KANK1: variants seen among roughly 807,000 people sequenced by gnomAD.
KANK1 encodes the protein KN motif and ankyrin repeat domain-containing protein 1.
KANK1 carries 109 observed loss-of-function variants against 106.2 expected under a neutral mutation model. The ratio of observed to expected loss-of-function variants is 1.03; its 90% confidence interval spans 0.88 to 1.20. The LOEUF (loss-of-function observed/expected upper bound fraction) is 1.20. Among genes scored for constraint, KANK1 ranks in the 50% most tolerant of loss-of-function variants. The probability of loss-of-function intolerance (pLI) is 0.00; values close to 1 mark genes in which losing one functional copy is unlikely to be tolerated. For synonymous variants in KANK1, 873 were observed against 652.2 expected, an observed-to-expected ratio of 1.34 and a Z score of -5.16; for missense variants, 2,399 against 1,710.7, an observed-to-expected ratio of 1.40 and a Z score of -7.10.
At chr9:520,975 T>G (rs1416293858) in intron 1 of KANK1, among the ~76,000 whole-genome samples, 1 of 151,822 alleles carries the variant, frequency 6.6e-6, no homozygotes, top group East Asian at 1.9e-4. Flanking sequence ...CAGTGGATGC[T>G]ACTGTCAAGA....
At chr9:565,421 C>T (rs1817567230) in intron 1 of KANK1, among the ~76,000 whole-genome samples, 1 of 152,200 alleles carries the variant, frequency 6.6e-6, no homozygotes, top group South Asian at 2.1e-4. Context: ...AAGGGTCTTC[C>T]AGTTCACTGA....
intron 1 of KANK1, among the ~76,000 whole-genome samples, chr9:606,194 A>G (rs1313645324): frequency 6.6e-6 from 1 of 151,140 alleles, no homozygotes; most frequent in African/African-American, 2.5e-5. Flanking sequence ...ACTCACACAT[A>G]TATACGTACA....
chr9:651,010 A>G (rs1192040086), intron 1 of KANK1, among the ~76,000 whole-genome samples: 1 of 152,172 alleles, frequency 6.6e-6, no homozygotes, highest in East Asian at 1.9e-4. Context: ...ATAAAGCAAC[A>G]GGGCCACCAC....
At chr9:664,010 C>A (rs935398869) in intron 1 of KANK1, among the ~76,000 whole-genome samples, 1 of 151,964 alleles carries the variant, frequency 6.6e-6, no homozygotes, top group Non-Finnish European at 1.5e-5. Flanking sequence ...AATTGTAGTT[C>A]CCATAATCTC....
intron 1 of KANK1, among the ~76,000 whole-genome samples, chr9:568,076 T>C (rs1185288958): frequency 6.6e-6 from 1 of 152,132 alleles, no homozygotes. Context: ...CAAGAGTTAA[T>C]TTGACTAAAT....
At chr9:569,231 C>T (rs1249790609) in intron 1 of KANK1, among the ~76,000 whole-genome samples, 1 of 152,140 alleles carries the variant, frequency 6.6e-6, no homozygotes. Flanking sequence ...ATATGTTCGT[C>T]TCCTATTTAT....
At chr9:687,323 C>T (rs1818808384) in intron 2 of KANK1, among the ~76,000 whole-genome samples, 1 of 152,222 alleles carries the variant, frequency 6.6e-6, no homozygotes. Flanking sequence ...GATCATTGAG[C>T]TTTGTATTTT....
rs1174619757 is a variant in KANK1, at chr9:622,568, C to T, written c.-83-54322C>T. Among the ~76,000 whole-genome samples the T allele has an allele frequency of 2.0e-5, 3 of 152,270 alleles. No individual in the cohort carries two copies. The East Asian group carries it at 5.8e-4, about 29-fold the overall frequency. On this transcript the variant is annotated intron_variant, in intron 1 of 11. Transcript: ENST00000382297. ...ACCTGCCAAAAAATAAAATTGGACCCTTAACACCATATACAAAAATCAACT... is the reference window on the plus strand; with the variant it reads ...ACCTGCCAAAAAATAAAATTGGACCTTTAACACCATATACAAAAATCAACT...
intron 1 of KANK1, among the ~76,000 whole-genome samples, chr9:559,401 T>TAAA (rs3832615): frequency 1.7e-4 from 25 of 148,928 alleles, no homozygotes; most frequent in South Asian, 4.2e-4. Flanking sequence ...TTGGAGAGGT[T>TAAA]AAAAAAAAAA....
chr9:704,311 G>C (rs1412093976), intron 2 of KANK1, among the ~76,000 whole-genome samples: 2 of 152,154 alleles, frequency 1.3e-5, no homozygotes, highest in African/African-American at 2.4e-5. Flanking sequence ...AGTCCTTTGA[G>C]GCCCAAGTTC....
chr9:641,233 A>G (rs1367373078), intron 1 of KANK1, among the ~76,000 whole-genome samples: 1 of 152,242 alleles, frequency 6.6e-6, no homozygotes, highest in Non-Finnish European at 1.5e-5. Flanking sequence ...TAATGCAATC[A>G]GATATGAACA....
intron 1 of KANK1, among the ~76,000 whole-genome samples, chr9:674,939 A>C (rs1461467304): frequency 6.6e-6 from 1 of 152,182 alleles, no homozygotes; most frequent in African/African-American, 2.4e-5. Context: ...TCCTGACCTC[A>C]GGTGATCTGC....
At chr9:528,025 C>T (rs1187871398) in intron 1 of KANK1, among the ~76,000 whole-genome samples, 4 of 151,284 alleles carry the variant, frequency 2.6e-5, no homozygotes, top group Admixed American at 6.6e-5. Context: ...CCCAGCTACT[C>T]GGGAGGCTGA....
intron 2 of KANK1, among the ~76,000 whole-genome samples, chr9:692,151 C>T (rs1047751613): frequency 2.0e-5 from 3 of 152,176 alleles, no homozygotes. Flanking sequence ...TTCACTGGAC[C>T]TGCCTAGTTT....
intron 3 of KANK1, among the ~76,000 whole-genome samples, chr9:490,673 G>A (rs1259009513): frequency 1.3e-5 from 2 of 152,146 alleles, no homozygotes; most frequent in Non-Finnish European, 2.9e-5. Context: ...AGTTTCAACT[G>A]AGCAACTCTG....
intron 1 of KANK1, among the ~76,000 whole-genome samples, chr9:569,673 C>G (rs1339862884): frequency 2.0e-5 from 3 of 152,198 alleles, no homozygotes; most frequent in Admixed American, 2.0e-4. Context: ...TACGTATATT[C>G]TAATTGTGTT....
Position 527,288 on chromosome 9 carries a change from G to A in KANK1, c.-84+22534G>A, listed in dbSNP as rs576342818. On this transcript the variant is annotated intron_variant, in intron 1 of 11. Coordinates refer to ENST00000382297, the MANE Select transcript of KANK1 (RefSeq NM_015158.5). Reference sequence around the variant, plus strand: ...GTTTCTTTTGGTCTCTGGTTTTTGTGTGTTTTTTGTTTGTTTGTTTGTTTG... The same window carrying A: ...GTTTCTTTTGGTCTCTGGTTTTTGTATGTTTTTTGTTTGTTTGTTTGTTTG... Among the ~76,000 whole-genome samples the A allele has an allele frequency of 2.3e-4, 33 of 144,874 alleles. No individual in the cohort carries two copies. In the South Asian group the frequency reaches 5.5e-3, roughly 24 times the overall value.
Position 719,048 on chromosome 9 carries a change from C to T in KANK1, c.2698+5584C>T, listed in dbSNP as rs189192198. 7.1e-4 allele frequency among the ~76,000 whole-genome samples: 107 copies of T among 150,032 alleles called. 2 individuals carry two copies. In the East Asian group the frequency reaches 0.021, roughly 29 times the overall value. On this transcript the variant is annotated intron_variant, in intron 3 of 11. Coordinates refer to ENST00000382297, the MANE Select transcript of KANK1 (RefSeq NM_015158.5). ...AATCTCAGCTCATCGCAACCTTCAC[C>T]TCCTGGGTTCAAGTGATTGTCCTGC...
At chr9:714,897 G>A (rs1362189219) in intron 3 of KANK1, among the ~76,000 whole-genome samples, 1 of 152,062 alleles carries the variant, frequency 6.6e-6, no homozygotes, top group Non-Finnish European at 1.5e-5. Context: ...TTCCGTTTCT[G>A]GCTCTCCAAT....
Sources: allele counts gnomAD v4.1 joint callset (sites outside exome capture counted in the v4.1 genomes callset), GRCh38; gene constraint gnomAD v4.1.1; transcripts MANE v1.5; gene names NCBI Gene and HGNC (gene_info 2026-07-23, HGNC 2026-07-21).